TANC2: variants seen among roughly 807,000 people sequenced by gnomAD.
TANC2 encodes tetratricopeptide repeat, ankyrin repeat and coiled-coil containing 2, also known as protein TANC2.
Under a neutral mutation model 210.5 loss-of-function variants are expected in TANC2, and 26 were observed. The ratio of observed to expected loss-of-function variants is 0.12; its 90% confidence interval spans 0.09 to 0.17. TANC2 has a LOEUF of 0.17. Ranked by LOEUF, TANC2 falls within the 10% of genes least tolerant of loss-of-function variation. The pLI is 1.00. For synonymous variants in TANC2, 931 were observed against 967.1 expected (o/e 0.96, Z 0.69); for missense variants, 2,129 against 2,608.9 (o/e 0.82, Z 4.01).
At chr17:63,169,399 T>C (rs1168559814) in intron 5 of TANC2, among the ~76,000 whole-genome samples, 1 of 152,128 alleles carries the variant, frequency 6.6e-6, no homozygotes, top group African/African-American at 2.4e-5. Flanking sequence ...ATCAGTCATT[T>C]CTCCCTGGTT....
At chr17:63,367,405 A>C (rs574511362) in intron 14 of TANC2, among the ~76,000 whole-genome samples, 6 of 152,102 alleles carry the variant, frequency 3.9e-5, no homozygotes, top group Admixed American at 3.9e-4. Flanking sequence ...ATTTTTTTGC[A>C]ATTTTTTTAG....
At chr17:63,359,113 G>C (rs2046876777) in intron 14 of TANC2, among the ~76,000 whole-genome samples, 1 of 151,832 alleles carries the variant, frequency 6.6e-6, no homozygotes, top group African/African-American at 2.4e-5. Context: ...ACTCAGGCTG[G>C]AGTGCAGTGG....
chr17:63,030,704 C>T (rs73991872), intron 2 of TANC2, among the ~76,000 whole-genome samples: 1,906 of 151,106 alleles, frequency 0.013, 41 homozygotes, highest in African/African-American at 0.044. Context: ...AATCAAAGTT[C>T]AACCCCTGAG....
intron 7 of TANC2, among the ~76,000 whole-genome samples, chr17:63,218,984 A>C (rs1412161746): frequency 6.6e-6 from 1 of 151,620 alleles, no homozygotes; most frequent in Non-Finnish European, 1.5e-5. Context: ...TACCAGCAAC[A>C]AAAAAAATGG....
chr17:63,021,471 A>G (rs570427286), intron 2 of TANC2, among the ~76,000 whole-genome samples: 10 of 152,298 alleles, frequency 6.6e-5, no homozygotes, highest in African/African-American at 2.4e-4. Context: ...TCTCTTTCAA[A>G]TGTGCCTGCT....
At chr17:63,266,475 A>ATCTTAGG (rs2043530911) in intron 8 of TANC2, among the ~76,000 whole-genome samples, 2 of 152,140 alleles carry the variant, frequency 1.3e-5, no homozygotes, top group Non-Finnish European at 2.9e-5. Context: ...TGGAGATGTA[A>ATCTTAGG]GTTTACTTAC....
At chr17:62,979,153 T>C (rs2032175113) in intron 1 of TANC2, among the ~76,000 whole-genome samples, 3 of 152,206 alleles carry the variant, frequency 2.0e-5, no homozygotes, top group Admixed American at 2.0e-4. Flanking sequence ...TATAAGTGTC[T>C]TCTATACATG....
chr17:63,130,236 C>T (rs2038869327), intron 4 of TANC2, among the ~76,000 whole-genome samples: 1 of 152,096 alleles, frequency 6.6e-6, no homozygotes, highest in Non-Finnish European at 1.5e-5. Context: ...TTGGCCGGCT[C>T]AGTGGCTCAC....
In TANC2 at chr17:63,098,431, TACACACACACACACACAC is replaced by T. The variant is rs67245738; in HGVS notation, c.140-712_140-695del. Reference sequence around the variant, plus strand: ...TTTCACCCCTTGGTGGGCCTTAGACTACACACACACACACACACACACACACACACACACACACACACA... The same window carrying T: ...TTTCACCCCTTGGTGGGCCTTAGACTACACACACACACACACACACACACA... On this transcript the variant is annotated intron_variant, in intron 3 of 27. Coordinates refer to ENST00000689528, the Ensembl canonical transcript of TANC2. Among the ~76,000 whole-genome samples, 128 of 93,302 alleles carry T rather than the reference TACACACACACACACACAC, an allele frequency of 1.4e-3. 1 individual carries two copies. The highest frequency in any genetic ancestry group is 2.7e-3 in the Admixed American group (25 of 9,278). 61.2% of individuals were successfully genotyped at this position (93,302 alleles called of 152,430 possible).
intron 5 of TANC2, among the ~76,000 whole-genome samples, chr17:63,187,227 C>G (rs938506740): frequency 6.6e-6 from 1 of 152,148 alleles, no homozygotes; most frequent in Non-Finnish European, 1.5e-5. Flanking sequence ...AGTAAAGAGC[C>G]TGAGGTCTAG....
In TANC2 at chr17:63,420,774, G is replaced by A; in HGVS notation, c.5044G>A (p.Val1682Ile). 1 of 1,614,014 alleles carries A rather than the reference G, an allele frequency of 6.2e-7. No individual in the cohort carries two copies. The highest frequency in any genetic ancestry group is 8.5e-7 in the Non-Finnish European group (1 of 1,179,894). ...CCAGATGCCTCAGCTCCCTGTGGCA[G>A]TTCCCCAGCAAGGGCTCAGGCTACA... The change falls in exon 28 of 28, where the codon GTT (valine) becomes ATT (isoleucine). Residue 1682 changes from valine (V) to isoleucine (I), a missense_variant. Physicochemically the swap from Val to Ile is conservative, Grantham distance 29 (BLOSUM62 3). Transcript: ENST00000689528. This position sits in a 1 kb window ranked among gnomAD's most constrained non-coding sequence, Gnocchi z 4.2.
intron 1 of TANC2, among the ~76,000 whole-genome samples, chr17:62,996,547 GGT>G (rs1568304322): frequency 6.6e-6 from 1 of 151,954 alleles, no homozygotes; most frequent in Non-Finnish European, 1.5e-5. Context: ...CCCTGAATCT[GGT>G]GTGATTCTGG....
At chr17:63,206,592 A>T (rs547843782) in intron 7 of TANC2, among the ~76,000 whole-genome samples, 2 of 152,210 alleles carry the variant, frequency 1.3e-5, no homozygotes, top group Non-Finnish European at 2.9e-5. Flanking sequence ...GTTAAGCCAG[A>T]CACAAAAGGA....
At chr17:63,229,894 A>C (rs1300026371) in intron 7 of TANC2, among the ~76,000 whole-genome samples, 1 of 151,774 alleles carries the variant, frequency 6.6e-6, no homozygotes, top group African/African-American at 2.4e-5. Flanking sequence ...CTCAGCCTCA[A>C]GCGATTTTCA....
chr17:62,972,933 C>T (rs1232636328), intron 1 of TANC2, among the ~76,000 whole-genome samples: 2 of 152,088 alleles, frequency 1.3e-5, no homozygotes, highest in African/African-American at 2.4e-5. Context: ...CAATGTCTTC[C>T]GAGTGAAGAA....
chr17:63,138,817 A>G (rs2039183352), intron 4 of TANC2, among the ~76,000 whole-genome samples: 1 of 152,256 alleles, frequency 6.6e-6, no homozygotes, highest in Non-Finnish European at 1.5e-5. Flanking sequence ...TCTCACTTTA[A>G]TACAGTAACT....
chr17:63,270,966 C>T (rs950738028), intron 9 of TANC2, among the ~76,000 whole-genome samples: 4 of 152,094 alleles, frequency 2.6e-5, no homozygotes, highest in Non-Finnish European at 4.4e-5. Flanking sequence ...CAGCCTCCAG[C>T]CTCATCCATG....
chr17:63,382,587 A>C (rs936521132), intron 15 of TANC2, among the ~76,000 whole-genome samples: 7 of 152,222 alleles, frequency 4.6e-5, no homozygotes, highest in African/African-American at 1.7e-4. Context: ...ACAAATGTTA[A>C]CATTTTTCCA....
chr17:63,236,675 C>G (rs1053016035), intron 7 of TANC2, among the ~76,000 whole-genome samples: 1 of 152,090 alleles, frequency 6.6e-6, no homozygotes, highest in Non-Finnish European at 1.5e-5. Context: ...TTCAGAGGCT[C>G]CATTGTCCGT....
Sources: gnomAD v4.1 joint callset for allele counts (sites outside exome capture counted in the v4.1 genomes callset) on GRCh38, gnomAD v4.1.1 for gene constraint, Gnocchi (gnomAD v3.1) non-coding constraint, MANE v1.5 for transcripts, NCBI Gene and HGNC (gene_info 2026-07-23, HGNC 2026-07-21) for gene names.